CARS2: variants seen among roughly 807,000 people sequenced by gnomAD.
CARS2 encodes probable cysteine--tRNA ligase, mitochondrial.
Under a neutral mutation model 68.8 loss-of-function variants are expected in CARS2, and 52 were observed. The ratio of observed to expected loss-of-function variants is 0.76; its 90% CI spans 0.61 to 0.95. The LOEUF (loss-of-function observed/expected upper bound fraction) is 0.95, where lower values mean the gene tolerates loss of function less well. CARS2 is among the 40% of genes least tolerant of loss of function. The probability of loss-of-function intolerance (pLI) is 0.00; values close to 1 mark genes in which losing one functional copy is unlikely to be tolerated. For synonymous variants in CARS2, 314 were observed against 303.6 expected (o/e 1.03, Z -0.36); for missense variants, 780 against 754.2 (o/e 1.03, Z -0.40).
chr13:110,712,739 C>G (rs1459197980), intron 1 of CARS2: 2 of 700,236 alleles, frequency 2.9e-6, no homozygotes, highest in African/African-American at 1.7e-5. Context: ...GGAGCGGCCT[C>G]CGAGAACGGT....
Position 110,676,826 on chromosome 13 carries a change from G to A in CARS2, c.785+148C>T, listed in dbSNP as rs770424936. The A allele has an allele frequency of 5.8e-5, 62 of 1,062,728 alleles. No homozygotes were observed. In the Admixed American group the frequency reaches 7.4e-4, roughly 13 times the overall value. The allele number at this position is 1,062,728 out of a possible 1,614,324, so 65.8% of individuals were successfully genotyped here. On this transcript the variant is annotated intron_variant, in intron 7 of 14. Transcript: ENST00000257347. This position sits in a 1 kb window ranked among gnomAD's most constrained non-coding sequence, Gnocchi z 4.0. ...TTTCGTTCACCCCGTTCCATGGCCCGTCACACTCCGGCAAAAATCTCTTCC... is the reference window on the plus strand; with the variant it reads ...TTTCGTTCACCCCGTTCCATGGCCCATCACACTCCGGCAAAAATCTCTTCC...
intron 3 of CARS2, among the ~76,000 whole-genome samples, chr13:110,690,309 A>C (rs980824806): frequency 1.3e-5 from 2 of 152,178 alleles, no homozygotes; most frequent in African/African-American, 4.8e-5. Context: ...TTGCCAGGAG[A>C]AGTCAAATGG....
chr13:110,687,948 T>A lies in CARS2; in HGVS notation c.464A>T (p.Lys155Met), dbSNP rs2063351111. 2 of 1,612,278 alleles carry A rather than the reference T, an allele frequency of 1.2e-6. No individual in the cohort carries two copies. The highest frequency in any genetic ancestry group is 1.7e-6 in the Non-Finnish European group (2 of 1,178,930). Reference sequence around the variant, plus strand: ...GGAACAACCAGCCCCACACTTTACCTTCAGGGCTGCCATGTCCTGCTTGAA... The same window carrying A: ...GGAACAACCAGCCCCACACTTTACCATCAGGGCTGCCATGTCCTGCTTGAA... ...EDFKQDMAAL[K>M]VLPPTVYLRV... Residue 155 changes from lysine (K) to methionine (M), a missense_variant and splice_region_variant, in exon 4 of 15, where the codon AAG becomes ATG. Transcript: ENST00000257347.
At chr13:110,666,931 G>T (rs1234464834) in intron 8 of CARS2, 4 of 985,268 alleles carry the variant, frequency 4.1e-6, no homozygotes, top group Non-Finnish European at 4.8e-6. Context: ...GCAGACAGCT[G>T]GGGTTCATCA....
chr13:110,642,207 C>CA (rs1024435544), intron 14 of CARS2, 108 bp downstream of exon 14: 642 of 863,802 alleles, frequency 7.4e-4, no homozygotes, highest in Admixed American at 2.4e-3. Flanking sequence ...AACTCCGTCT[C>CA]AAAAAAAAAG....
rs796559317 is a variant in CARS2, at chr13:110,653,215, T to G, written c.988-2115A>C. Among the ~76,000 whole-genome samples the G allele has an allele frequency of 4.2e-5, 5 of 117,690 alleles. No homozygotes were observed. The highest frequency in any genetic ancestry group is 2.7e-4 in the Admixed American group (3 of 10,998). 77.2% of individuals were successfully genotyped at this position (117,690 alleles called of 152,430 possible). A position where few individuals can be genotyped will look rare whatever the true frequency, so the allele number is the denominator to read the frequency against. On this transcript the variant is annotated intron_variant, in intron 9 of 14. Transcript: ENST00000257347. The surrounding 1 kb of genome is among the most constrained non-coding windows in gnomAD (Gnocchi z 5.6). ...GGCTGGGGTATGTGTGTGTGTGTGT[T>G]TGTGTGTGTGTGTGTGAAGAGCCCC...
intron 3 of CARS2, among the ~76,000 whole-genome samples, chr13:110,691,987 G>GA (rs36121848): frequency 0.014 from 1,085 of 76,856 alleles, 24 homozygotes; most frequent in Middle Eastern, 0.043. Flanking sequence ...AAGCTGTGCA[G>GA]AAAAAAAAAA....
intron 3 of CARS2, among the ~76,000 whole-genome samples, chr13:110,693,179 GCA>G (rs2063524801): frequency 6.9e-6 from 1 of 145,962 alleles, no homozygotes; most frequent in South Asian, 2.2e-4. Context: ...AAACACACAA[GCA>G]CACACACTTT....
At chr13:110,683,253 A>G in intron 5 of CARS2, 119 bp from the exon 6 acceptor site, 2 of 581,480 alleles carry the variant, frequency 3.4e-6, no homozygotes, top group Non-Finnish European at 2.8e-6. Context: ...TTGGCCCCAT[A>G]TACATATATA....
rs9521899 is a variant in CARS2, at chr13:110,686,978, C to T, written c.571+743G>A. On this transcript the variant is annotated intron_variant, in intron 5 of 14. Transcript: ENST00000257347. ...CAACCTCTGACTCCCGCAACTCACT[C>T]GTAATGGCCTGTGAAAAAACGATAG... Among the ~76,000 whole-genome samples, 752 of 152,248 alleles carry T rather than the reference C, an allele frequency of 4.9e-3. 5 individuals are homozygous for T. Among genetic ancestry groups the T allele is most frequent in the South Asian group, 0.011 (54 of 4,824 alleles).
In CARS2 at chr13:110,642,609, C is replaced by T. The variant is rs775365088; in HGVS notation, c.1417-88G>A. On this transcript the variant is annotated intron_variant, in intron 13 of 14. Coordinates refer to ENST00000257347, the MANE Select transcript of CARS2 (RefSeq NM_024537.4). ...ACCCCGTGGTTGGGCTCTGGGCCGA[C>T]ACCCACCCAGCCCTGGGCTTCCCTG... The T allele has an allele frequency of 2.3e-6, 3 of 1,285,994 alleles. No individual in the cohort carries two copies. The East Asian group carries it at 6.9e-5, about 30-fold the overall frequency. The allele number at this position is 1,285,994 out of a possible 1,614,324, so 79.7% of individuals were successfully genotyped here. A position where few individuals can be genotyped will look rare whatever the true frequency, so the allele number is the denominator to read the frequency against.
intron 3 of CARS2, among the ~76,000 whole-genome samples, chr13:110,699,240 A>G (rs1481509280): frequency 6.6e-6 from 1 of 152,242 alleles, no homozygotes. Flanking sequence ...CAGCAGCACA[A>G]AACAGACTAA....
At chr13:110,647,692 A>AGCGG (rs1371651400) in intron 10 of CARS2, among the ~76,000 whole-genome samples, 1 of 147,496 alleles carries the variant, frequency 6.8e-6, no homozygotes, top group Admixed American at 6.7e-5. Flanking sequence ...GACAGCCCAA[A>AGCGG]GAGGGAGGGA....
intron 3 of CARS2, among the ~76,000 whole-genome samples, chr13:110,695,043 G>A (rs1041259858): frequency 1.3e-5 from 2 of 152,100 alleles, no homozygotes; most frequent in Non-Finnish European, 2.9e-5. Flanking sequence ...AGCACTTTGC[G>A]AGGCCAAGGC....
At chr13:110,709,943 C>G (rs906540591), upstream of CARS2, among the ~76,000 whole-genome samples, 1 of 152,036 alleles carries the variant, frequency 6.6e-6, no homozygotes, top group African/African-American at 2.4e-5. Flanking sequence ...ATAACAAAAT[C>G]AAGTTCTCAG....
rs1327421578 is a variant in CARS2 at position 110,651,102 on chromosome 13, T to C, written c.988-2A>G. 6.2e-7 allele frequency: 1 copy of C among 1,612,240 alleles called. No homozygotes were observed. Among genetic ancestry groups the C allele is most frequent in the East Asian group, 2.2e-5 (1 of 44,864 alleles). ...GGGGGAAAAGGTCTTCAGAAAGTCC[T>C]GGTAAAGCGAGAGACAGGCAGTCAC... On this transcript the variant is annotated splice_acceptor_variant, in intron 9 of 14. Transcript: ENST00000257347. LOFTEE classifies it high-confidence loss of function.
chr13:110,710,258 C>G (rs79529687), upstream of CARS2, among the ~76,000 whole-genome samples: 3 of 152,032 alleles, frequency 2.0e-5, no homozygotes, highest in Non-Finnish European at 4.4e-5. Flanking sequence ...GTCCGGCACC[C>G]GTAATCCCAG....
intron 9 of CARS2, among the ~76,000 whole-genome samples, chr13:110,657,874 T>C (rs2062409697): frequency 6.6e-6 from 1 of 152,228 alleles, no homozygotes; most frequent in Admixed American, 6.5e-5. Flanking sequence ...TCATGAATCG[T>C]AGGACAACCT....
At chr13:110,700,581 G>A (rs1200299914) in intron 3 of CARS2, among the ~76,000 whole-genome samples, 1 of 152,226 alleles carries the variant, frequency 6.6e-6, no homozygotes, top group Non-Finnish European at 1.5e-5. Context: ...TTTTTCTGTA[G>A]ATCTCAAATC....
Sources: allele counts gnomAD v4.1 joint callset (sites outside exome capture counted in the v4.1 genomes callset), GRCh38; gene constraint gnomAD v4.1.1; non-coding constraint Gnocchi (gnomAD v3.1); transcripts MANE v1.5; gene names NCBI Gene and HGNC (gene_info 2026-07-23, HGNC 2026-07-21).